CEMIP: variants seen among roughly 807,000 people sequenced by gnomAD.
CEMIP encodes the protein cell migration-inducing and hyaluronan-binding protein.
CEMIP carries 105 observed loss-of-function variants against 156.9 expected under a neutral mutation model. That is an observed-to-expected ratio of 0.67 (90% CI 0.57 to 0.79). CEMIP has a LOEUF of 0.79. Ranked by LOEUF, CEMIP falls within the 30% of genes least tolerant of loss-of-function variation. The pLI, the probability that CEMIP is intolerant of heterozygous loss-of-function variation, is 0.00. For missense variants in CEMIP, 1,457 were observed against 1,769.4 expected, an observed-to-expected ratio of 0.82 and a Z score of 3.17; for synonymous variants, 676 against 668.4, an observed-to-expected ratio of 1.01 and a Z score of -0.17.
chr15:80,856,865 G>A (rs1207918943), intron 1 of CEMIP, among the ~76,000 whole-genome samples: 1 of 152,166 alleles, frequency 6.6e-6, no homozygotes, highest in Admixed American at 6.5e-5. Context: ...ATAGCCCAGG[G>A]CTGTAAATTT....
chr15:80,933,979 A>G (rs959967828), intron 23 of CEMIP, among the ~76,000 whole-genome samples: 5 of 152,238 alleles, frequency 3.3e-5, no homozygotes, highest in African/African-American at 7.2e-5. Flanking sequence ...AAATACTATC[A>G]TTCAAAATGA....
At chr15:80,819,551 C>G (rs1896863934) in intron 1 of CEMIP, among the ~76,000 whole-genome samples, 1 of 152,160 alleles carries the variant, frequency 6.6e-6, no homozygotes, top group Non-Finnish European at 1.5e-5. Context: ...TACAATTCCT[C>G]AAATTTATGT....
At chr15:80,829,344 G>T (rs186541289) in intron 1 of CEMIP, among the ~76,000 whole-genome samples, 1 of 152,288 alleles carries the variant, frequency 6.6e-6, no homozygotes, top group East Asian at 1.9e-4. Flanking sequence ...AGCTGCTGCT[G>T]TTGCTCAGCT....
chr15:80,790,050 G>A (rs908828386), intron 1 of CEMIP, among the ~76,000 whole-genome samples: 6 of 152,246 alleles, frequency 3.9e-5, no homozygotes, highest in South Asian at 4.1e-4. Context: ...TGTGGGATAC[G>A]TGGTGCAGAA....
intron 1 of CEMIP, among the ~76,000 whole-genome samples, chr15:80,820,820 A>C (rs1477140123): frequency 6.6e-6 from 1 of 152,246 alleles, no homozygotes; most frequent in East Asian, 1.9e-4. Context: ...TGTACACAGT[A>C]AATGAATGTA....
chr15:80,836,517 G>A (rs916146928), intron 1 of CEMIP, among the ~76,000 whole-genome samples: 4 of 152,172 alleles, frequency 2.6e-5, no homozygotes, highest in Non-Finnish European at 2.9e-5. Context: ...CACACATTCC[G>A]TAAAAAACAG....
intron 19 of CEMIP, 91 bp from the exon 20 acceptor site, chr15:80,928,811 C>T (rs573426393): frequency 4.6e-6 from 7 of 1,519,534 alleles, no homozygotes; most frequent in East Asian, 4.5e-5. Flanking sequence ...TTCAGTTTGA[C>T]TCCAAGGGCA....
chr15:80,867,491 C>T (rs138907825), intron 1 of CEMIP, among the ~76,000 whole-genome samples: 594 of 152,338 alleles, frequency 3.9e-3, no homozygotes, highest in African/African-American at 0.014. Flanking sequence ...ATGTTTCTTG[C>T]AGCATCCTGG....
Position 80,946,637 on chromosome 15 carries a change from C to T in CEMIP, c.3858-328C>T, listed in dbSNP as rs113096630. The T allele has an allele frequency of 4.3e-3, 1,518 of 350,052 alleles. 18 individuals are homozygous for T. Among genetic ancestry groups the T allele is most frequent in the African/African-American group, 0.029 (1,414 of 47,954 alleles). 21.7% of individuals were successfully genotyped at this position (350,052 alleles called of 1,614,324 possible). A position where few individuals can be genotyped will look rare whatever the true frequency, so the allele number is the denominator to read the frequency against. On this transcript the variant is annotated intron_variant, in intron 28 of 29. Transcript: ENST00000394685. ...ATACATATCGAAGTCCTACTGTGTG[C>T]CGAGCCCTGGCATGGTACGCTCTGC...
intron 1 of CEMIP, among the ~76,000 whole-genome samples, chr15:80,816,903 C>T (rs191562628): frequency 2.2e-4 from 34 of 152,132 alleles, no homozygotes; most frequent in Admixed American, 1.8e-3. Context: ...AAGCGGCAGA[C>T]GGGGTTCTCG....
intron 1 of CEMIP, among the ~76,000 whole-genome samples, chr15:80,815,269 T>C (rs1434342168): frequency 6.6e-6 from 1 of 152,242 alleles, no homozygotes; most frequent in Non-Finnish European, 1.5e-5. Flanking sequence ...ATCTGTAAAA[T>C]GGGTATCCTG....
At chr15:80,925,334 A>G (rs535480377) in intron 18 of CEMIP, among the ~76,000 whole-genome samples, 1 of 152,310 alleles carries the variant, frequency 6.6e-6, no homozygotes, top group South Asian at 2.1e-4. Flanking sequence ...ACTGTGTTGC[A>G]TGACTTTGTG....
In CEMIP at chr15:80,832,862, G is replaced by T. The variant is rs537220920; in HGVS notation, c.-175-40676G>T. Among the ~76,000 whole-genome samples the T allele has an allele frequency of 2.4e-4, 36 of 152,186 alleles. No homozygotes were observed. The South Asian group carries it at 2.5e-3, about 11-fold the overall frequency. On this transcript the variant is annotated intron_variant, in intron 1 of 29. Transcript: ENST00000394685. ...CTGTTCTGCATCAGTTGAGAGGCTG[G>T]GGCTGGAAGCATCTGAGGCTCACTC...
intron 1 of CEMIP, among the ~76,000 whole-genome samples, chr15:80,867,943 G>A (rs1192398629): frequency 1.3e-5 from 2 of 152,180 alleles, no homozygotes; most frequent in African/African-American, 2.4e-5. Context: ...GGCAATGTCA[G>A]AGAAGGGTTT....
At chr15:80,785,744 C>T (rs74030605) in intron 1 of CEMIP, among the ~76,000 whole-genome samples, 2,941 of 152,262 alleles carry the variant, frequency 0.019, 71 homozygotes, top group African/African-American at 0.06. Context: ...GTCAGAAGCT[C>T]AGAAAGGCCT....
chr15:80,819,473 C>T (rs1896862275), intron 1 of CEMIP, among the ~76,000 whole-genome samples: 1 of 152,166 alleles, frequency 6.6e-6, no homozygotes, highest in Non-Finnish European at 1.5e-5. Flanking sequence ...TGCTTTTCAT[C>T]TGGGATCTTT....
intron 12 of CEMIP, among the ~76,000 whole-genome samples, chr15:80,900,648 G>GTGTGTC (rs1567090991): frequency 4.0e-4 from 45 of 111,874 alleles, no homozygotes; most frequent in African/African-American, 1.4e-3. Context: ...GTGTGTGTGT[G>GTGTGTC]TCTGTGTGTG....
At chr15:80,904,672 C>T (rs1415429831) in intron 12 of CEMIP, among the ~76,000 whole-genome samples, 3 of 151,854 alleles carry the variant, frequency 2.0e-5, no homozygotes. Flanking sequence ...TTAAAGATGG[C>T]GGAAGGGGTC....
At chr15:80,921,912 A>G in intron 16 of CEMIP, 97 bp from the exon 17 acceptor site, 3 of 1,521,702 alleles carry the variant, frequency 2.0e-6, no homozygotes, top group Non-Finnish European at 2.7e-6. Flanking sequence ...GGCAGTAGCT[A>G]CTAGACCCAT....
Sources: allele counts gnomAD v4.1 joint callset (sites outside exome capture counted in the v4.1 genomes callset), GRCh38; gene constraint gnomAD v4.1.1; transcripts MANE v1.5; gene names NCBI Gene and HGNC (gene_info 2026-07-23, HGNC 2026-07-21).